CENPF: variants seen among roughly 807,000 people sequenced by gnomAD.
CENPF encodes the protein AH antigen.
A neutral mutation model predicts 307.3 loss-of-function variants in CENPF; 214 were observed. The observed-to-expected ratio is 0.70, with a 90% CI of 0.62 to 0.78. The LOEUF (loss-of-function observed/expected upper bound fraction) is 0.78. CENPF is among the 30% of genes least tolerant of loss of function. CENPF has a pLI of 0.00. For synonymous variants in CENPF, 1,259 were observed against 1,270.6 expected, an observed-to-expected ratio of 0.99 and a Z score of 0.19; for missense variants, 3,401 against 3,483.9, an observed-to-expected ratio of 0.98 and a Z score of 0.60.
chr1:214,620,967 G>A (rs1171497037), intron 6 of CENPF, 21 bp downstream of exon 6: 2 of 1,571,936 alleles, frequency 1.3e-6, no homozygotes, highest in East Asian at 4.5e-5. Context: ...GCTAAGTTAA[G>A]TTTAAATTCA....
Position 214,605,820 on chromosome 1 carries a change from C to A in CENPF, c.-42+2499C>A. The stretch of plus-strand genomic sequence containing the variant: ...GGGCAGCGCTCGTAGAGCGCCAGCC[C>A]GTGCGAGAAGTCGATCACCTCGTCC... On this transcript the variant is annotated intron_variant, in intron 1 of 19. Transcript: ENST00000366955. The A allele has an allele frequency of 8.2e-6, 13 of 1,593,106 alleles. No homozygotes were observed. The South Asian group carries it at 1.4e-4, about 18-fold the overall frequency.
chr1:214,635,543 CA>C (rs563384924), intron 10 of CENPF, among the ~76,000 whole-genome samples: 155 of 152,312 alleles, frequency 1.0e-3, no homozygotes, highest in African/African-American at 3.5e-3. Flanking sequence ...GATACCCAAT[CA>C]AGTCTTAAGT....
rs141830022 is a variant in CENPF, at chr1:214,615,320, A to G, written c.359+292A>G. 147 of 193,562 alleles carry G rather than the reference A, an allele frequency of 7.6e-4. 2 individuals are homozygous for G. The highest frequency in any genetic ancestry group is 3.9e-3 in the Middle Eastern group (2 of 516). 12.0% of individuals were successfully genotyped at this position (193,562 alleles called of 1,614,324 possible). A position where few individuals can be genotyped will look rare whatever the true frequency, so the allele number is the denominator to read the frequency against. The stretch of plus-strand genomic sequence containing the variant: ...TTTATTAAGCTGTACCATGATTCAG[A>G]CACTATTGGTCACTGAGTAATACAA... On this transcript the variant is annotated intron_variant, in intron 3 of 19. Transcript: ENST00000366955.
rs113247432 is a variant in CENPF, at chr1:214,644,889, A to G, written c.5319A>G (p.Gln1773=). The change falls in exon 13 of 20, where the codon CAA becomes CAG. Residue 1773 remains glutamine (Q), a synonymous_variant. Coordinates refer to ENST00000366955, the MANE Select transcript of CENPF (RefSeq NM_016343.4). ...ATCAGGAAGATATCCATAATCTTCA[A>G]CTGCGGGTAAAAGAGACATCAAATG... is the stretch of plus-strand genomic sequence containing the variant. ...LGNQEDIHNL[Q]LRVKETSNEN... 3.7e-6 allele frequency: 6 copies of G among 1,614,092 alleles called. No individual in the cohort carries two copies. Among genetic ancestry groups the G allele is most frequent in the African/African-American group, 2.7e-5 (2 of 75,042 alleles).
At chr1:214,655,804 T>C (rs1658616170) in intron 17 of CENPF, among the ~76,000 whole-genome samples, 1 of 152,200 alleles carries the variant, frequency 6.6e-6, no homozygotes, top group Non-Finnish European at 1.5e-5. Flanking sequence ...TTGCCCAGGC[T>C]GGTCTTGAAT....
chr1:214,641,567 G>T lies in CENPF; in HGVS notation c.3229G>T (p.Ala1077Ser). 1 of 1,530,870 alleles carries T rather than the reference G, an allele frequency of 6.5e-7. No homozygotes were observed. The allele number at this position is 1,530,870 out of a possible 1,614,324, so 94.8% of individuals were successfully genotyped here. A position where few individuals can be genotyped will look rare whatever the true frequency, so the allele number is the denominator to read the frequency against. Residue 1077 changes from alanine to serine, a missense_variant, in exon 12 of 20, where the codon GCA becomes TCA. Ala to Ser is a moderately conservative substitution (Grantham distance 99, BLOSUM62 1). Coordinates refer to ENST00000366955, the MANE Select transcript of CENPF (RefSeq NM_016343.4). Reference sequence around the variant, plus strand: ...AAATGAGTTGGAACAGCTAAAGGAAGCATTTGCAAAGGAACACCAAGAATT... The same window carrying T: ...AAATGAGTTGGAACAGCTAAAGGAATCATTTGCAAAGGAACACCAAGAATT... ...RKNELEQLKE[A>S]FAKEHQEFLT... is the part of the protein sequence containing the mutation.
At chr1:214,612,803 G>C (rs1324226427) in intron 1 of CENPF, among the ~76,000 whole-genome samples, 1 of 152,166 alleles carries the variant, frequency 6.6e-6, no homozygotes, top group Non-Finnish European at 1.5e-5. Context: ...ATAATTTACA[G>C]TATCTTAAGA....
intron 1 of CENPF, among the ~76,000 whole-genome samples, chr1:214,607,021 C>T (rs1657052757): frequency 6.6e-6 from 1 of 152,218 alleles, no homozygotes; most frequent in Admixed American, 6.5e-5. Context: ...GGCCTGGAAT[C>T]CCAGCCTCCT....
chr1:214,658,065 C>A (rs1219790457), intron 18 of CENPF, among the ~76,000 whole-genome samples: 1 of 152,158 alleles, frequency 6.6e-6, no homozygotes, highest in African/African-American at 2.4e-5. Context: ...ACCCCCTCTG[C>A]CCCCAAATAT....
At position 214,657,404 on chromosome 1, in the gene CENPF, A is replaced by G. The variant is rs915500152; in HGVS notation, c.8957A>G (p.Lys2986Arg). Residue 2986 changes from lysine to arginine, a missense_variant, in exon 18 of 20, where the codon AAG becomes AGG. Physicochemically the swap from Lys to Arg is conservative, Grantham distance 26. Coordinates refer to ENST00000366955, the MANE Select transcript of CENPF (RefSeq NM_016343.4). ...FEPEGLPEVV[K>R]KGFADIPTGK... Reference sequence around the variant, plus strand: ...CCAGAGGGACTTCCAGAAGTTGTAAAGAAAGGTATGCCTAATTTAAAGACA... The same window carrying G: ...CCAGAGGGACTTCCAGAAGTTGTAAGGAAAGGTATGCCTAATTTAAAGACA... 6.3e-7 allele frequency: 1 copy of G among 1,598,588 alleles called. No individual in the cohort carries two copies. Among genetic ancestry groups the G allele is most frequent in the Admixed American group, 1.7e-5 (1 of 59,674 alleles).
intron 1 of CENPF, among the ~76,000 whole-genome samples, chr1:214,606,756 C>T (rs749285016): frequency 2.0e-4 from 31 of 152,120 alleles, no homozygotes; most frequent in Non-Finnish European, 3.8e-4. Context: ...CCAGGGCCAC[C>T]CCCACCCCCA....
At chr1:214,610,097 A>G (rs1657160411) in intron 1 of CENPF, among the ~76,000 whole-genome samples, 1 of 143,748 alleles carries the variant, frequency 7.0e-6, no homozygotes, top group Non-Finnish European at 1.5e-5. Flanking sequence ...AGCTCAAGTT[A>G]TCCACCTGCC....
chr1:214,645,651 A>AT lies in CENPF; in HGVS notation c.6081_6082insT (p.Lys2028Ter). On this transcript the variant is annotated frameshift_variant, in exon 13 of 20. Transcript: ENST00000366955. LOFTEE classifies it high-confidence loss of function. The stretch of plus-strand genomic sequence containing the variant: ...TGTCCTCTGATGTGAGTGAGCTGTT[A>AT]AAAGACAAAACTCATCTCCAGGAAA... The AT allele has an allele frequency of 6.2e-7, 1 of 1,614,164 alleles. No individual in the cohort carries two copies. Among genetic ancestry groups the AT allele is most frequent in the Non-Finnish European group, 8.5e-7 (1 of 1,180,010 alleles).
chr1:214,630,749 A>G, intron 9 of CENPF, 87 bp downstream of exon 9: 2 of 1,504,842 alleles, frequency 1.3e-6, no homozygotes, highest in African/African-American at 1.4e-5. Context: ...GACATATGAT[A>G]CTTTCAAAGA....
chr1:214,623,517 C>G (rs557429958), intron 7 of CENPF, among the ~76,000 whole-genome samples: 1 of 152,014 alleles, frequency 6.6e-6, no homozygotes, highest in Non-Finnish European at 1.5e-5. Context: ...AAGACTCCAA[C>G]GGAGGCCAAG....
rs768164189 is a variant in CENPF at position 214,640,311 on chromosome 1, G to GT, written c.1974dup (p.His659SerfsTer2). ...TGTCTGAAGACACAGCAAATAAAAA[G>GT]TCATGAATACAACGAGAGAGTAAGA... On this transcript the variant is annotated frameshift_variant, in exon 12 of 20. Transcript: ENST00000366955. LOFTEE classifies it high-confidence loss of function. 2 of 1,613,962 alleles carry GT rather than the reference G, an allele frequency of 1.2e-6. No homozygotes were observed. Among genetic ancestry groups the GT allele is most frequent in the Admixed American group, 3.3e-5 (2 of 60,006 alleles).
chr1:214,621,940 C>A, intron 6 of CENPF, 139 bp from the exon 7 acceptor site: 3 of 656,872 alleles, frequency 4.6e-6, no homozygotes, highest in South Asian at 2.2e-5. Context: ...AAATTAAATC[C>A]AATTAAAGTA....
At chr1:214,615,097 C>T (rs1051389502) in intron 3 of CENPF, 69 bp downstream of exon 3, 9 of 1,117,308 alleles carry the variant, frequency 8.1e-6, no homozygotes, top group Non-Finnish European at 1.1e-5. Context: ...TTGTCTTTTC[C>T]TTTAACAATA....
chr1:214,633,501 T>G (rs1192854299), intron 10 of CENPF, among the ~76,000 whole-genome samples: 1 of 152,266 alleles, frequency 6.6e-6, no homozygotes, highest in African/African-American at 2.4e-5. Context: ...TTCTGTTTAT[T>G]CTTTAAATGT....
Sources: allele counts gnomAD v4.1 joint callset (sites outside exome capture counted in the v4.1 genomes callset), GRCh38; gene constraint gnomAD v4.1.1; transcripts MANE v1.5; gene names NCBI Gene and HGNC (gene_info 2026-07-23, HGNC 2026-07-21).